SYNPR: variants seen among roughly 807,000 people sequenced by gnomAD.
SYNPR encodes synaptoporin.
A neutral mutation model predicts 32.9 loss-of-function variants in SYNPR; 23 were observed. The ratio of observed to expected loss-of-function variants is 0.70; its 90% CI spans 0.50 to 0.99. The LOEUF (loss-of-function observed/expected upper bound fraction) is 0.99, where lower values mean the gene tolerates loss of function less well. Among genes scored for constraint, SYNPR ranks in the 50% least tolerant of loss-of-function variants. SYNPR has a pLI of 0.00. For missense variants in SYNPR, 318 were observed against 349.3 expected (o/e 0.91, Z 0.71); for synonymous variants, 146 against 135.9 (o/e 1.07, Z -0.52).
intron 3 of SYNPR, among the ~76,000 whole-genome samples, chr3:63,489,516 T>C (rs2106712995): frequency 6.6e-6 from 1 of 152,290 alleles, no homozygotes; most frequent in South Asian, 2.1e-4. Context: ...TTTTCCTAGA[T>C]CTGTGAATGA....
intron 3 of SYNPR, among the ~76,000 whole-genome samples, chr3:63,539,909 T>C (rs1182830671): frequency 6.6e-6 from 1 of 152,086 alleles, no homozygotes; most frequent in East Asian, 1.9e-4. Flanking sequence ...CCTCCAGGGT[T>C]TTAGGGCTGA....
chr3:63,292,205 T>TA (rs1476616613), intron 2 of SYNPR, among the ~76,000 whole-genome samples: 1 of 152,224 alleles, frequency 6.6e-6, no homozygotes, highest in Non-Finnish European at 1.5e-5. Context: ...TTTAACTTGC[T>TA]AGTGCTTTAA....
chr3:63,467,280 T>C (rs778784865), intron 2 of SYNPR, among the ~76,000 whole-genome samples: 1 of 152,338 alleles, frequency 6.6e-6, no homozygotes, highest in South Asian at 2.1e-4. Context: ...TCTTCTCTTC[T>C]ACACTTTGGT....
chr3:63,333,959 A>T (rs2087257902), intron 2 of SYNPR, among the ~76,000 whole-genome samples: 1 of 152,248 alleles, frequency 6.6e-6, no homozygotes, highest in Non-Finnish European at 1.5e-5. Context: ...GAATGAAAAG[A>T]TGGTCTATAG....
chr3:63,323,387 T>A (rs945822050), intron 2 of SYNPR, among the ~76,000 whole-genome samples: 5 of 152,110 alleles, frequency 3.3e-5, no homozygotes, highest in African/African-American at 1.2e-4. Flanking sequence ...GAAAACTGGA[T>A]GAAATTTATT....
In SYNPR at chr3:63,540,771, G is replaced by A. The variant is rs142743424; in HGVS notation, c.210-15772G>A. Reference sequence around the variant, plus strand: ...TTTTTAAAAGACCCAGACATGATTTGCTAGAGGAGAGACACATACAGAAGA... The same window carrying A: ...TTTTTAAAAGACCCAGACATGATTTACTAGAGGAGAGACACATACAGAAGA... On this transcript the variant is annotated intron_variant, in intron 3 of 5. Coordinates refer to ENST00000478300, the MANE Select transcript of SYNPR (RefSeq NM_001130003.2). Among the ~76,000 whole-genome samples, 1,414 of 151,958 alleles carry A rather than the reference G, an allele frequency of 9.3e-3. 27 individuals are homozygous for A. Among genetic ancestry groups the A allele is most frequent in the African/African-American group, 0.032 (1,338 of 41,472 alleles).
At chr3:63,379,786 C>A (rs1382760706) in intron 2 of SYNPR, among the ~76,000 whole-genome samples, 2 of 152,004 alleles carry the variant, frequency 1.3e-5, no homozygotes, top group African/African-American at 4.8e-5. Context: ...GTGCTGCACC[C>A]ATTAACTCGT....
At chr3:63,585,809 T>A (rs1023484530) in intron 4 of SYNPR, among the ~76,000 whole-genome samples, 9 of 152,132 alleles carry the variant, frequency 5.9e-5, no homozygotes, top group African/African-American at 2.2e-4. Context: ...ATAAATTCTT[T>A]ATTATTTCAA....
chr3:63,529,622 A>G (rs192924450), intron 3 of SYNPR, among the ~76,000 whole-genome samples: 2 of 152,370 alleles, frequency 1.3e-5, no homozygotes, highest in African/African-American at 4.8e-5. Context: ...AATCCATAGA[A>G]GTTGATGTCT....
intron 2 of SYNPR, among the ~76,000 whole-genome samples, chr3:63,347,106 AT>A (rs1310957942): frequency 6.6e-6 from 1 of 152,214 alleles, no homozygotes; most frequent in African/African-American, 2.4e-5. Context: ...AACTAATGCA[AT>A]GTTTGGGACA....
chr3:63,613,152 ATTT>A (rs34217962), intron 5 of SYNPR, among the ~76,000 whole-genome samples: 1 of 145,906 alleles, frequency 6.9e-6, no homozygotes, highest in Admixed American at 6.8e-5. Flanking sequence ...TGCTCAGCTA[ATTT>A]TTTTTTTTTT....
At chr3:63,565,154 G>C (rs1053962599) in intron 4 of SYNPR, among the ~76,000 whole-genome samples, 5 of 152,174 alleles carry the variant, frequency 3.3e-5, no homozygotes, top group African/African-American at 1.2e-4. Flanking sequence ...CATACCCAGA[G>C]AAAACTTGGC....
chr3:63,277,200 C>G (rs555396625), upstream of SYNPR, among the ~76,000 whole-genome samples: 64 of 152,234 alleles, frequency 4.2e-4, 1 homozygote, highest in Admixed American at 6.5e-5. Flanking sequence ...GGGCAGGCCA[C>G]TATCCTTCCA....
chr3:63,375,779 G>C (rs570266641), intron 2 of SYNPR, among the ~76,000 whole-genome samples: 1 of 152,166 alleles, frequency 6.6e-6, no homozygotes, highest in South Asian at 2.1e-4. Context: ...AAAAATTACT[G>C]TCTAGATGTC....
upstream of SYNPR, among the ~76,000 whole-genome samples, chr3:63,225,880 C>A (rs1575569455): frequency 6.6e-6 from 1 of 151,674 alleles, no homozygotes; most frequent in South Asian, 2.1e-4. Context: ...TTATGAATGG[C>A]AGAAAATATT....
intron 2 of SYNPR, among the ~76,000 whole-genome samples, chr3:63,398,537 T>C (rs1261067630): frequency 6.7e-6 from 1 of 150,156 alleles, no homozygotes; most frequent in Admixed American, 6.6e-5. Context: ...TGAAACCCCA[T>C]CTCTACTAAA....
chr3:63,556,580 G>A lies in SYNPR; in HGVS notation c.247G>A (p.Gly83Arg), dbSNP rs1210474385. ...QVTFEVPTCE[G>R]KERQKLALIG... ...GACGTTTGAGGTGCCCACCTGCGAGGGAAAGGAACGGCAGAAGCTGGCATT... is the reference window on the plus strand; with the variant it reads ...GACGTTTGAGGTGCCCACCTGCGAGAGAAAGGAACGGCAGAAGCTGGCATT... The change falls in exon 4 of 6, where the codon GGA becomes AGA. Residue 83 changes from glycine to arginine, a missense_variant. By Grantham distance (125) the Gly-to-Arg change is moderately radical. Coordinates refer to ENST00000478300, the MANE Select transcript of SYNPR (RefSeq NM_001130003.2). 6 of 1,613,484 alleles carry A rather than the reference G, an allele frequency of 3.7e-6. No homozygotes were observed. The highest frequency in any genetic ancestry group is 1.7e-5 in the Admixed American group (1 of 59,976).
At chr3:63,290,856 G>C (rs1443580703) in intron 2 of SYNPR, among the ~76,000 whole-genome samples, 1 of 152,120 alleles carries the variant, frequency 6.6e-6, no homozygotes, top group Non-Finnish European at 1.5e-5. Context: ...TCATCCATCT[G>C]GTCTACTCTG....
intron 1 of SYNPR, among the ~76,000 whole-genome samples, chr3:63,235,603 CTT>C (rs762687390): frequency 6.6e-6 from 1 of 152,136 alleles, no homozygotes; most frequent in Non-Finnish European, 1.5e-5. Context: ...GGCCCTAAGT[CTT>C]TGAACCACGC....
Sources: gnomAD v4.1 joint callset for allele counts (sites outside exome capture counted in the v4.1 genomes callset) on GRCh38, gnomAD v4.1.1 for gene constraint, MANE v1.5 for transcripts, NCBI Gene and HGNC (gene_info 2026-07-23, HGNC 2026-07-21) for gene names.